The following SOX6 variants were observed in gnomAD, a reference collection of about 807,000 sequenced individuals.
The protein encoded by SOX6 is SRY-box transcription factor 6.
A neutral mutation model predicts 97.8 loss-of-function variants in SOX6; 11 were observed. That is an observed-to-expected ratio of 0.11 (90% CI 0.07 to 0.19). The LOEUF (loss-of-function observed/expected upper bound fraction) is 0.19, where lower values mean the gene tolerates loss of function less well. Ranked by LOEUF, SOX6 falls within the 10% of genes least tolerant of loss-of-function variation. SOX6 has a pLI of 1.00. For missense variants in SOX6, 810 were observed against 1,039.5 expected (o/e 0.78, Z 3.04); for synonymous variants, 360 against 371.4 (o/e 0.97, Z 0.35).
At chr11:16,477,325 A>G (rs1025531790), upstream of SOX6, among the ~76,000 whole-genome samples, 2 of 152,224 alleles carry the variant, frequency 1.3e-5, no homozygotes, top group Non-Finnish European at 2.9e-5. Flanking sequence ...GTTACAGCTA[A>G]CTAGATTTAA....
chr11:16,601,648 T>G (rs1848271289), intron 4 of SOX6, among the ~76,000 whole-genome samples: 1 of 152,128 alleles, frequency 6.6e-6, no homozygotes, highest in African/African-American at 2.4e-5. Flanking sequence ...ATTATCTTTT[T>G]CAAAAGAAAT....
intron 1 of SOX6, among the ~76,000 whole-genome samples, chr11:16,466,930 C>CAAAA (rs764424447): frequency 7.1e-3 from 294 of 41,378 alleles, no homozygotes; most frequent in African/African-American, 8.8e-3. Flanking sequence ...GACTCCGTCT[C>CAAAA]AAAAAAAAAA....
chr11:16,419,724 A>T (rs1358278544), intron 1 of SOX6, among the ~76,000 whole-genome samples: 1 of 152,118 alleles, frequency 6.6e-6, no homozygotes, highest in East Asian at 1.9e-4. Flanking sequence ...CTATCCATAA[A>T]CTGTTACTCG....
chr11:16,138,047 T>A (rs1299129270), intron 6 of SOX6, among the ~76,000 whole-genome samples: 2 of 152,144 alleles, frequency 1.3e-5, no homozygotes, highest in East Asian at 3.9e-4. Flanking sequence ...ACTAATACAA[T>A]TACACACTAT....
At chr11:16,472,882 C>T (rs1860164311) in intron 1 of SOX6, among the ~76,000 whole-genome samples, 1 of 151,946 alleles carries the variant, frequency 6.6e-6, no homozygotes, top group South Asian at 2.1e-4. Flanking sequence ...AAAAAGTTTC[C>T]TGTGTCTTTG....
At chr11:16,668,224 A>G (rs1483478873) in intron 3 of SOX6, among the ~76,000 whole-genome samples, 1 of 152,026 alleles carries the variant, frequency 6.6e-6, no homozygotes, top group African/African-American at 2.4e-5. Flanking sequence ...AAATACAAAA[A>G]TTAGCCAGCA....
At chr11:16,504,077 A>G (rs1800731760) in intron 4 of SOX6, among the ~76,000 whole-genome samples, 1 of 150,168 alleles carries the variant, frequency 6.7e-6, no homozygotes, top group African/African-American at 2.4e-5. Flanking sequence ...ATAAATAAAT[A>G]AATAAATAAA....
At chr11:16,505,794 G>T (rs1860776220) in intron 4 of SOX6, among the ~76,000 whole-genome samples, 1 of 152,174 alleles carries the variant, frequency 6.6e-6, no homozygotes, top group African/African-American at 2.4e-5. Flanking sequence ...TCCAGCCATG[G>T]CTAAAAAGGC....
chr11:16,536,907 G>A (rs190667427), intron 4 of SOX6, among the ~76,000 whole-genome samples: 4 of 152,346 alleles, frequency 2.6e-5, no homozygotes, highest in Non-Finnish European at 5.9e-5. Context: ...GACAACTTCT[G>A]AAGACTTAAA....
chr11:16,131,451 C>A (rs1001022847), intron 6 of SOX6, among the ~76,000 whole-genome samples: 4 of 151,864 alleles, frequency 2.6e-5, no homozygotes, highest in African/African-American at 9.7e-5. Flanking sequence ...ATTAATAATG[C>A]CAAGTGTTGG....
At chr11:16,178,626 G>C (rs1472140517) in intron 6 of SOX6, among the ~76,000 whole-genome samples, 2 of 151,788 alleles carry the variant, frequency 1.3e-5, no homozygotes, top group Non-Finnish European at 2.9e-5. Flanking sequence ...TCTTTGCAAG[G>C]GAGTATCATA....
Position 16,188,682 on chromosome 11 carries a change from T to C in SOX6, c.536-1727A>G, listed in dbSNP as rs374381439. Among the ~76,000 whole-genome samples the C allele has an allele frequency of 2.6e-5, 4 of 152,348 alleles. No individual in the cohort carries two copies. In the East Asian group the frequency reaches 5.8e-4, roughly 22 times the overall value. On this transcript the variant is annotated intron_variant, in intron 4 of 15. Transcript: ENST00000683767. ...ATAAACATTTTCTGAATTGCCACTA[T>C]GTATCAGGTACTATAACAAGAACTA... is the stretch of plus-strand genomic sequence containing the variant.
chr11:16,466,214 G>A (rs1445789420), intron 1 of SOX6, among the ~76,000 whole-genome samples: 2 of 152,110 alleles, frequency 1.3e-5, no homozygotes, highest in Non-Finnish European at 2.9e-5. Flanking sequence ...ACATTTTTAT[G>A]CTTTGGAGCT....
At chr11:15,974,032 C>T (rs1372441390) in intron 15 of SOX6, among the ~76,000 whole-genome samples, 5 of 152,072 alleles carry the variant, frequency 3.3e-5, no homozygotes, top group African/African-American at 7.2e-5. Context: ...GAGACTATGG[C>T]GAAAATATTA....
chr11:16,107,173 C>T (rs1849108679), intron 7 of SOX6, among the ~76,000 whole-genome samples: 1 of 151,910 alleles, frequency 6.6e-6, no homozygotes, highest in South Asian at 2.1e-4. Context: ...CTGTGGAAAA[C>T]AGTTTGGTGG....
At chr11:16,402,649 ACTCT>A (rs1858590740) in intron 1 of SOX6, 1 of 1,609,042 alleles carries the variant, frequency 6.2e-7, no homozygotes, top group African/African-American at 1.3e-5. Context: ...CAAAATACAA[ACTCT>A]CTTACCCCAT....
At chr11:16,563,309 T>C (rs890953735) in intron 4 of SOX6, among the ~76,000 whole-genome samples, 14 of 151,860 alleles carry the variant, frequency 9.2e-5, no homozygotes, top group Admixed American at 7.2e-4. Context: ...CTGGTTCGGG[T>C]TGGTGCATGC....
intron 1 of SOX6, among the ~76,000 whole-genome samples, chr11:16,468,267 A>T (rs924992305): frequency 2.0e-5 from 3 of 151,994 alleles, no homozygotes; most frequent in South Asian, 2.1e-4. Flanking sequence ...ACAGCATCTT[A>T]AAAAAAAGAG....
At chr11:16,047,365 C>G (rs1855866318) in intron 11 of SOX6, among the ~76,000 whole-genome samples, 1 of 152,040 alleles carries the variant, frequency 6.6e-6, no homozygotes, top group Admixed American at 6.6e-5. Context: ...TCCCCACCCC[C>G]AGCTCGAACA....
Sources: allele counts gnomAD v4.1 joint callset (sites outside exome capture counted in the v4.1 genomes callset), GRCh38; gene constraint gnomAD v4.1.1; transcripts MANE v1.5; gene names NCBI Gene and HGNC (gene_info 2026-07-23, HGNC 2026-07-21).